RIF1: variants seen among roughly 807,000 people sequenced by gnomAD.
RIF1 encodes telomere-associated protein RIF1.
Under a neutral mutation model 247.1 loss-of-function variants are expected in RIF1, and 45 were observed. The ratio of observed to expected loss-of-function variants is 0.18; its 90% confidence interval spans 0.14 to 0.23. The LOEUF (loss-of-function observed/expected upper bound fraction) is 0.23. Among genes scored for constraint, RIF1 ranks in the 10% least tolerant of loss-of-function variants. The probability of loss-of-function intolerance (pLI) is 1.00; values close to 1 mark genes in which losing one functional copy is unlikely to be tolerated. For missense variants in RIF1, 2,967 were observed against 2,862.5 expected (o/e 1.04, Z -0.83); for synonymous variants, 1,087 against 978.8 (o/e 1.11, Z -2.06).
intron 10 of RIF1, chr2:151,498,448 G>A: frequency 1.3e-6 from 1 of 797,034 alleles, no homozygotes; most frequent in Admixed American, 2.7e-5. Context: ...GAGGAAGAGA[G>A]TAAGTTAGAG....
chr2:151,513,527 C>A, the RIF1 span: 5 of 1,341,914 alleles, frequency 3.7e-6, no homozygotes, highest in East Asian at 1.2e-4. Context: ...ACTTTATGTC[C>A]TTAAAGTTAC....
chr2:151,464,295 A>G lies in RIF1; in HGVS notation c.4775A>G (p.Gln1592Arg). The G allele has an allele frequency of 1.2e-6, 2 of 1,613,278 alleles. No homozygotes were observed. The highest frequency in any genetic ancestry group is 1.7e-5 in the Admixed American group (1 of 59,856). Residue 1592 changes from glutamine to arginine, a missense_variant, in exon 30 of 36, where the codon CAG becomes CGG. Physicochemically the swap from Gln to Arg is conservative, Grantham distance 43. Coordinates refer to ENST00000444746, the MANE Select transcript of RIF1 (RefSeq NM_018151.5). ...IQDQEEKVVK[Q>R]ECIKAENQSH... ...GATCAAGAAGAGAAAGTGGTGAAAC[A>G]GGAATGTATAAAAGCTGAAAATCAG...
At position 151,475,270 on chromosome 2, in the gene RIF1, ATATG is replaced by A; in HGVS notation, c.*203_*206del. 1 of 545,728 alleles carries A rather than the reference ATATG, an allele frequency of 1.8e-6. No individual in the cohort carries two copies. The highest frequency in any genetic ancestry group is 3.2e-6 in the Non-Finnish European group (1 of 310,986). The allele number at this position is 545,728 out of a possible 1,614,324, so 33.8% of individuals were successfully genotyped here. A position where few individuals can be genotyped will look rare whatever the true frequency, so the allele number is the denominator to read the frequency against. On this transcript the variant is annotated 3_prime_UTR_variant, in exon 36 of 36. Transcript: ENST00000444746. The stretch of plus-strand genomic sequence containing the variant: ...ATGTAAGATCCTTTTTTTTTTCATA[ATATG>A]TATTCTTGGCTGCTATGCGTGGTTT...
chr2:151,440,972 G>GT (rs1282566988), intron 15 of RIF1, among the ~76,000 whole-genome samples: 2 of 152,294 alleles, frequency 1.3e-5, no homozygotes, highest in South Asian at 2.1e-4. Flanking sequence ...TGACATTTAA[G>GT]TTATGTAGTG....
At chr2:151,512,943 C>G, downstream of RIF1, 1 of 728,904 alleles carries the variant, frequency 1.4e-6, no homozygotes, top group Non-Finnish European at 2.4e-6. Context: ...AAGAGGGACT[C>G]ATTCATTTGA....
In RIF1 at chr2:151,473,421, G is replaced by A. The variant is rs567762459; in HGVS notation, c.7096-543G>A. 2.0e-3 allele frequency among the ~76,000 whole-genome samples: 294 copies of A among 150,426 alleles called. 1 individual carries two copies. Among genetic ancestry groups the A allele is most frequent in the Non-Finnish European group, 3.6e-3 (244 of 67,750 alleles). On this transcript the variant is annotated intron_variant, in intron 34 of 35. Transcript: ENST00000444746. ...AGCAGTTCTCCTGCCTCAGCCTCCCGAGTAGCTGGGATTACAGGCACCGTA... is the reference window on the plus strand; with the variant it reads ...AGCAGTTCTCCTGCCTCAGCCTCCCAAGTAGCTGGGATTACAGGCACCGTA...
At chr2:151,460,583 C>T (rs975865184) in intron 26 of RIF1, among the ~76,000 whole-genome samples, 2 of 152,202 alleles carry the variant, frequency 1.3e-5, no homozygotes. Flanking sequence ...CAACAGTTCT[C>T]TCTTCCATGA....
chr2:151,488,669 GTAT>G (rs1365557508), intron 9 of RIF1, among the ~76,000 whole-genome samples: 1 of 151,752 alleles, frequency 6.6e-6, no homozygotes, highest in East Asian at 1.9e-4. Flanking sequence ...AAAGTATTCT[GTAT>G]TATTCTTTGT....
At chr2:151,493,911 A>T (rs1032919381) in intron 9 of RIF1, 12 of 1,282,158 alleles carry the variant, frequency 9.4e-6, no homozygotes, top group Middle Eastern at 1.9e-4. Context: ...ACGAGGTAAT[A>T]ATCACTATTA....
chr2:151,520,866 A>T, the RIF1 span, among the ~76,000 whole-genome samples: 2 of 133,030 alleles, frequency 1.5e-5, no homozygotes, highest in African/African-American at 8.5e-5. Flanking sequence ...CCTGTCTCAC[A>T]AAATAAATAA....
Position 151,465,935 on chromosome 2 carries a change from G to A in RIF1, c.6415G>A (p.Glu2139Lys). The change falls in exon 30 of 36, where the codon GAA becomes AAA. Residue 2139 changes from glutamate to lysine, a missense_variant. Around this residue, in one of 7 missense-constraint regions of RIF1, gnomAD observed 2,028 missense variants for 1,825.6 expected, o/e 1.11. Coordinates refer to ENST00000444746, the MANE Select transcript of RIF1 (RefSeq NM_018151.5). ...AACAGCTATCTCTGAGCTAATAATA[G>A]AAGACAATAATGCATCTCCTCAAAA... ...SGTAISELII[E>K]DNNASPQKLR... 6.2e-7 allele frequency: 1 copy of A among 1,614,126 alleles called. No homozygotes were observed. Among genetic ancestry groups the A allele is most frequent in the African/African-American group, 1.3e-5 (1 of 75,030 alleles).
At chr2:151,526,019 G>C in the RIF1 span, 1 of 1,613,876 alleles carries the variant, frequency 6.2e-7, no homozygotes, top group Non-Finnish European at 8.5e-7. Context: ...TGGTAGTGTT[G>C]TGTATGAGCC....
the RIF1 span, chr2:151,529,198 T>G: frequency 3.2e-6 from 5 of 1,583,050 alleles, no homozygotes; most frequent in Non-Finnish European, 4.3e-6. Flanking sequence ...TGGGGAAGTT[T>G]CTGGAACTTA....
chr2:151,430,893 A>G (rs1016742316), intron 9 of RIF1, among the ~76,000 whole-genome samples: 8 of 152,138 alleles, frequency 5.3e-5, no homozygotes, highest in African/African-American at 1.9e-4. Context: ...GACTCAAGTG[A>G]TCCACCTGCC....
chr2:151,499,692 A>G (rs2062958952), intron 11 of RIF1, among the ~76,000 whole-genome samples: 1 of 152,264 alleles, frequency 6.6e-6, no homozygotes, highest in African/African-American at 2.4e-5. Context: ...TACTCAGTGT[A>G]CAATAGAAAA....
intron 6 of RIF1, among the ~76,000 whole-genome samples, chr2:151,418,913 C>G (rs1406415675): frequency 1.3e-5 from 2 of 148,884 alleles, no homozygotes; most frequent in Non-Finnish European, 3.0e-5. Flanking sequence ...CACAAACATA[C>G]AATTGTGCAA....
chr2:151,496,459 G>A, intron 10 of RIF1: 1 of 1,482,100 alleles, frequency 6.7e-7, no homozygotes, highest in Non-Finnish European at 9.1e-7. Context: ...TCCTTGTTAA[G>A]AAAACACAGT....
chr2:151,499,555 T>C (rs2062862524), intron 11 of RIF1: 1 of 503,322 alleles, frequency 2.0e-6, no homozygotes, highest in South Asian at 2.5e-5. Context: ...GAACATGTTT[T>C]GTATTTCCTT....
At chr2:151,497,856 G>T (rs1329353462) in intron 10 of RIF1, 1 of 1,512,948 alleles carries the variant, frequency 6.6e-7, no homozygotes, top group African/African-American at 1.4e-5. Context: ...GACTACTTTA[G>T]TGGAAGCTGT....
Sources: allele counts gnomAD v4.1 joint callset (sites outside exome capture counted in the v4.1 genomes callset), GRCh38; gene constraint gnomAD v4.1.1; regional missense constraint gnomAD v4.1.1; transcripts MANE v1.5; gene names NCBI Gene and HGNC (gene_info 2026-07-23, HGNC 2026-07-21).